The following DNAAF9 variants were observed in gnomAD, a reference collection of about 807,000 sequenced individuals.
The protein encoded by DNAAF9 is dynein axonemal assembly factor 9, also known as shulin.
In DNAAF9, 90 loss-of-function variants were observed where a neutral mutation model predicts 167.0. The ratio of observed to expected loss-of-function variants is 0.54; its 90% CI spans 0.45 to 0.64. DNAAF9 has a LOEUF of 0.64. Among genes scored for constraint, DNAAF9 ranks in the 30% least tolerant of loss-of-function variants. The pLI is 0.00. For missense variants in DNAAF9, 1,315 were observed against 1,442.2 expected (o/e 0.91, Z 1.43); for synonymous variants, 491 against 508.8 (o/e 0.96, Z 0.47).
rs1568584490 is a variant in DNAAF9 at position 3,294,081 on chromosome 20, G to A, written c.2238+58C>T. 4 of 942,588 alleles carry A rather than the reference G, an allele frequency of 4.2e-6. No homozygotes were observed. In the Admixed American group the frequency reaches 5.3e-5, roughly 12 times the overall value. The allele number at this position is 942,588 out of a possible 1,614,324, so 58.4% of individuals were successfully genotyped here. A position where few individuals can be genotyped will look rare whatever the true frequency, so the allele number is the denominator to read the frequency against. Reference sequence around the variant, plus strand: ...GTTAACTGACACAAAAGATTCAGGGGCAGGCTCTCAAGATCATCTTCCTGT... The same window carrying A: ...GTTAACTGACACAAAAGATTCAGGGACAGGCTCTCAAGATCATCTTCCTGT... On this transcript the variant is annotated intron_variant, in intron 25 of 36. Transcript: ENST00000252032.
Position 3,340,641 on chromosome 20 carries a change from T to C in DNAAF9, c.846-2A>G. ...AGAACAAATGGCTGCCGGTTAGGGC[T>C]AGAGAGGGAAGTCAAAAACATGTGA... is the stretch of plus-strand genomic sequence containing the variant. On this transcript the variant is annotated splice_acceptor_variant, in intron 9 of 36. Coordinates refer to ENST00000252032, the MANE Select transcript of DNAAF9 (RefSeq NM_001009984.3). LOFTEE classifies it high-confidence loss of function. The C allele has an allele frequency of 6.2e-7, 1 of 1,613,864 alleles. No individual in the cohort carries two copies. The highest frequency in any genetic ancestry group is 8.5e-7 in the Non-Finnish European group (1 of 1,179,852).
chr20:3,377,059 ACTCCGT>A (rs1213315954), intron 3 of DNAAF9, among the ~76,000 whole-genome samples: 3 of 151,832 alleles, frequency 2.0e-5, no homozygotes, highest in African/African-American at 7.3e-5. Flanking sequence ...ACAGAGTGAG[ACTCCGT>A]CTCAAAAAAT....
intron 16 of DNAAF9, among the ~76,000 whole-genome samples, chr20:3,320,388 A>G (rs1356835399): frequency 6.6e-6 from 1 of 152,142 alleles, no homozygotes. Flanking sequence ...TGTAGACAAA[A>G]AGCATCAACT....
intron 15 of DNAAF9, 53 bp downstream of exon 15, chr20:3,322,593 CTCTCTT>C: frequency 2.3e-6 from 3 of 1,290,878 alleles, no homozygotes; most frequent in Admixed American, 3.4e-5. Context: ...GCAGCCTCCC[CTCTCTT>C]TATCTTCCTA....
chr20:3,370,700 G>A (rs1051222636), intron 6 of DNAAF9, among the ~76,000 whole-genome samples: 11 of 152,048 alleles, frequency 7.2e-5, no homozygotes, highest in Admixed American at 2.0e-4. Flanking sequence ...GAGCCACCGC[G>A]CCCAGCCGTG....
At chr20:3,373,265 C>T (rs970089220) in intron 6 of DNAAF9, among the ~76,000 whole-genome samples, 2 of 152,160 alleles carry the variant, frequency 1.3e-5, no homozygotes, top group African/African-American at 4.8e-5. Flanking sequence ...TCTAAGGGAC[C>T]CACTTACTCT....
At chr20:3,338,359 T>C (rs1022989740) in intron 10 of DNAAF9, among the ~76,000 whole-genome samples, 1 of 152,164 alleles carries the variant, frequency 6.6e-6, no homozygotes, top group African/African-American at 2.4e-5. Context: ...TGTTCCTCTA[T>C]AGGTAAGGTG....
intron 6 of DNAAF9, among the ~76,000 whole-genome samples, chr20:3,359,826 A>G (rs867702301): frequency 2.0e-5 from 3 of 152,222 alleles, no homozygotes; most frequent in Non-Finnish European, 4.4e-5. Context: ...ATGGGCACAT[A>G]TATATTTATA....
At chr20:3,268,510 G>C (rs1024654384) in intron 30 of DNAAF9, among the ~76,000 whole-genome samples, 1 of 152,058 alleles carries the variant, frequency 6.6e-6, no homozygotes, top group Non-Finnish European at 1.5e-5. Context: ...TGTATTTTTA[G>C]TAGAGACAGG....
At chr20:3,387,188 G>A (rs142036346) in intron 1 of DNAAF9, among the ~76,000 whole-genome samples, 3 of 152,216 alleles carry the variant, frequency 2.0e-5, no homozygotes, top group African/African-American at 7.2e-5. Flanking sequence ...AATCTCAAGA[G>A]ACTCTGAATA....
chr20:3,343,891 G>A (rs2070138300), intron 8 of DNAAF9, among the ~76,000 whole-genome samples, 160 bp from the exon 9 acceptor site: 1 of 152,056 alleles, frequency 6.6e-6, no homozygotes, highest in Non-Finnish European at 1.5e-5. Context: ...GTGACAGAGA[G>A]AGCTACAGAA....
chr20:3,272,728 T>C (rs562219340), intron 29 of DNAAF9, among the ~76,000 whole-genome samples: 15 of 152,360 alleles, frequency 9.8e-5, no homozygotes, highest in Middle Eastern at 3.4e-3. Context: ...TATTTTGTAA[T>C]AGAATTCTCA....
chr20:3,328,031 C>A (rs184469562), intron 12 of DNAAF9, among the ~76,000 whole-genome samples: 1 of 152,050 alleles, frequency 6.6e-6, no homozygotes, highest in Non-Finnish European at 1.5e-5. Flanking sequence ...CAAAGATATC[C>A]CCCTCCTCAG....
chr20:3,337,440 G>GT (rs55881467), intron 10 of DNAAF9, among the ~76,000 whole-genome samples: 21,355 of 134,300 alleles, frequency 0.16, 1,937 homozygotes, highest in African/African-American at 0.26. Flanking sequence ...CTTTTTTTTT[G>GT]TTTTTTTTTT....
At position 3,251,734 on chromosome 20, in the gene DNAAF9, C is replaced by T. The variant is rs1170039163; in HGVS notation, c.*838G>A. The stretch of plus-strand genomic sequence containing the variant: ...ACCCCACAAGTGATCAGCCACCAGG[C>T]CTAAGACTAACCAGCTGCAGGACGC... On this transcript the variant is annotated 3_prime_UTR_variant, in exon 37 of 37. Transcript: ENST00000252032. 6.6e-6 allele frequency: 1 copy of T among 152,284 alleles called. No homozygotes were observed. The highest frequency in any genetic ancestry group is 6.5e-5 in the Admixed American group (1 of 15,288). The allele number at this position is 152,284 out of a possible 1,614,324, so 9.4% of individuals were successfully genotyped here. A position where few individuals can be genotyped will look rare whatever the true frequency, so the allele number is the denominator to read the frequency against.
chr20:3,354,032 A>C (rs1303567831), intron 7 of DNAAF9, among the ~76,000 whole-genome samples: 1 of 152,194 alleles, frequency 6.6e-6, no homozygotes, highest in African/African-American at 2.4e-5. Context: ...ATTCTATATG[A>C]AATGTTATTT....
intron 11 of DNAAF9, 148 bp downstream of exon 11, chr20:3,332,132 C>G (rs1266377682): frequency 1.7e-6 from 1 of 597,688 alleles, no homozygotes. Context: ...TATCAACTAT[C>G]CAGAAGTAAT....
intron 8 of DNAAF9, among the ~76,000 whole-genome samples, chr20:3,346,060 G>A (rs1453033208): frequency 1.3e-5 from 2 of 152,160 alleles, no homozygotes; most frequent in Admixed American, 6.5e-5. Context: ...TCAAACATAT[G>A]AGGGAATGTT....
chr20:3,285,681 T>TAAAA (rs774457454), intron 27 of DNAAF9, among the ~76,000 whole-genome samples: 5 of 103,914 alleles, frequency 4.8e-5, no homozygotes, highest in Admixed American at 9.9e-5. Context: ...TCTGTCTCAT[T>TAAAA]AAAAAAAAAA....
Sources: gnomAD v4.1 joint callset for allele counts (sites outside exome capture counted in the v4.1 genomes callset) on GRCh38, gnomAD v4.1.1 for gene constraint, MANE v1.5 for transcripts, NCBI Gene and HGNC (gene_info 2026-07-23, HGNC 2026-07-21) for gene names.